Variants in CGNL1 observed in about 807,000 individuals in gnomAD.
The protein encoded by CGNL1 is cingulin like 1.
In CGNL1, 132 loss-of-function variants were observed where a neutral mutation model predicts 141.2. That is an observed-to-expected ratio of 0.93 (90% CI 0.81 to 1.08). The LOEUF is 1.08. Ranked by LOEUF, CGNL1 falls within the 50% of genes least tolerant of loss-of-function variation. The probability of loss-of-function intolerance (pLI) is 0.00; values close to 1 mark genes in which losing one functional copy is unlikely to be tolerated. For missense variants in CGNL1, 1,870 were observed against 1,588.6 expected, an observed-to-expected ratio of 1.18 and a Z score of -3.01; for synonymous variants, 690 against 622.1, an observed-to-expected ratio of 1.11 and a Z score of -1.63.
chr15:57,402,960 G>A lies in CGNL1; in HGVS notation c.-16+26393G>A, dbSNP rs541866392. 1.6e-4 allele frequency among the ~76,000 whole-genome samples: 24 copies of A among 152,256 alleles called. 1 individual carries two copies. In the South Asian group the frequency reaches 2.7e-3, roughly 17 times the overall value. ...TTGGAGATTCTAACTGCACATATGC[G>A]TAATTCCAAATGAAAATATAAGGGG... is the stretch of plus-strand genomic sequence containing the variant. On this transcript the variant is annotated intron_variant, in intron 1 of 18. Transcript: ENST00000281282.
At chr15:57,514,477 G>A (rs1043034198) in intron 8 of CGNL1, among the ~76,000 whole-genome samples, 22 of 152,170 alleles carry the variant, frequency 1.4e-4, no homozygotes, top group African/African-American at 5.1e-4. Context: ...TTGTTACTGA[G>A]TTAAAGAATC....
intron 8 of CGNL1, among the ~76,000 whole-genome samples, chr15:57,484,681 C>T (rs2063765361): frequency 6.6e-6 from 1 of 152,136 alleles, no homozygotes; most frequent in Admixed American, 6.6e-5. Context: ...GCCCCGCATG[C>T]ATTAGGTATT....
intron 8 of CGNL1, among the ~76,000 whole-genome samples, chr15:57,467,663 C>G (rs1217978313): frequency 1.4e-5 from 2 of 147,508 alleles, no homozygotes; most frequent in South Asian, 2.2e-4. Flanking sequence ...GATAATAGTG[C>G]TATTGTTTTT....
rs933085391 is a variant in CGNL1 at position 57,430,618 on chromosome 15, G to A, written c.-15-7367G>A. Among the ~76,000 whole-genome samples the A allele has an allele frequency of 3.3e-5, 5 of 152,262 alleles. 1 individual carries two copies. In the South Asian group the frequency reaches 6.2e-4, roughly 19 times the overall value. Reference sequence around the variant, plus strand: ...ACCCATCCACAGGGAAACGAGGCGGGTAGACTTCCAGGGGGAAGTGGGGGC... The same window carrying A: ...ACCCATCCACAGGGAAACGAGGCGGATAGACTTCCAGGGGGAAGTGGGGGC... On this transcript the variant is annotated intron_variant, in intron 1 of 18. Transcript: ENST00000281282.
intron 6 of CGNL1, 142 bp from the exon 7 acceptor site, chr15:57,453,541 C>T: frequency 9.9e-7 from 1 of 1,013,742 alleles, no homozygotes; most frequent in East Asian, 2.6e-5. Flanking sequence ...GTTGGTGATC[C>T]CTTGCTCAGT....
rs8027670 is a variant in CGNL1 at position 57,526,819 on chromosome 15, G to A, written c.3040-1835G>A. Among the ~76,000 whole-genome samples, 630 of 152,216 alleles carry A rather than the reference G, an allele frequency of 4.1e-3. 1 individual carries two copies. Among genetic ancestry groups the A allele is most frequent in the African/African-American group, 0.014 (595 of 41,532 alleles). ...TGGGGCCCTTACCGGGTGTTAGGAG[G>A]GACCTGCTGGGTGTGGAAGGTGGGG... On this transcript the variant is annotated intron_variant, in intron 12 of 18. Coordinates refer to ENST00000281282, the MANE Select transcript of CGNL1 (RefSeq NM_032866.5).
At position 57,438,393 on chromosome 15, in the gene CGNL1, C is replaced by G. The variant is rs375993774; in HGVS notation, c.394C>G (p.Arg132Gly). ...TGAGGGCAAGAATGGAGTTCTAGAT[C>G]GCAAAGACGGGTCTGTGAAGCCATC... is the stretch of plus-strand genomic sequence containing the variant. The part of the protein sequence containing the change: ...LHEGKNGVLD[R>G]KDGSVKPSHL... Residue 132 changes from arginine to glycine, a missense_variant, in exon 2 of 19, where the codon CGC (arginine) becomes GGC (glycine). By Grantham distance (125) the Arg-to-Gly change is moderately radical. Transcript: ENST00000281282. 542 of 1,614,034 alleles carry G rather than the reference C, an allele frequency of 3.4e-4. 1 individual carries two copies. Among genetic ancestry groups the G allele is most frequent in the Admixed American group, 4.3e-4 (26 of 60,006 alleles).
At chr15:57,516,115 C>A (rs7162015) in intron 8 of CGNL1, among the ~76,000 whole-genome samples, 23,352 of 144,358 alleles carry the variant, frequency 0.16, 2,240 homozygotes, top group East Asian at 0.46. Flanking sequence ...GCCGACATCG[C>A]GCCACTGCAC....
chr15:57,456,190 T>C (rs1467007998), intron 7 of CGNL1, among the ~76,000 whole-genome samples: 1 of 152,192 alleles, frequency 6.6e-6, no homozygotes, highest in African/African-American at 2.4e-5. Flanking sequence ...CTGGGGGAAT[T>C]TGATAACAGA....
At chr15:57,453,550 G>A in intron 6 of CGNL1, 133 bp from the exon 7 acceptor site, 1 of 1,166,794 alleles carries the variant, frequency 8.6e-7, no homozygotes. Context: ...CCCTTGCTCA[G>A]TGCAGAACAG....
At chr15:57,498,802 C>A (rs1334952354) in intron 8 of CGNL1, among the ~76,000 whole-genome samples, 9 of 151,888 alleles carry the variant, frequency 5.9e-5, no homozygotes, top group African/African-American at 2.2e-4. Context: ...CACGCAGAGG[C>A]CCTGGGGTGG....
chr15:57,404,566 C>T (rs1783068168), intron 1 of CGNL1, among the ~76,000 whole-genome samples: 3 of 152,110 alleles, frequency 2.0e-5, no homozygotes, highest in African/African-American at 2.4e-5. Context: ...GTAGTGGCTT[C>T]GTTTAGTTAT....
At chr15:57,512,801 G>A (rs753578680) in intron 8 of CGNL1, among the ~76,000 whole-genome samples, 10 of 152,104 alleles carry the variant, frequency 6.6e-5, no homozygotes, top group Non-Finnish European at 1.3e-4. Context: ...AGTGTTCTTT[G>A]CTTTACTGAA....
intron 13 of CGNL1, among the ~76,000 whole-genome samples, chr15:57,530,449 C>T (rs190409228): frequency 6.6e-6 from 1 of 152,328 alleles, no homozygotes. Flanking sequence ...GCTGTGACTA[C>T]GTCTTGCCTG....
chr15:57,441,782 TTTC>T (rs1233041121), intron 3 of CGNL1, among the ~76,000 whole-genome samples: 2 of 152,220 alleles, frequency 1.3e-5, no homozygotes, highest in African/African-American at 4.8e-5. Flanking sequence ...TTTAAATCTT[TTTC>T]TTCTAATTGC....
At chr15:57,508,273 G>C (rs1410777311) in intron 8 of CGNL1, among the ~76,000 whole-genome samples, 3 of 146,116 alleles carry the variant, frequency 2.1e-5, no homozygotes, top group African/African-American at 5.1e-5. Flanking sequence ...TGTTGGGAGA[G>C]ATTGGTGTTG....
intron 12 of CGNL1, among the ~76,000 whole-genome samples, chr15:57,525,216 G>T (rs1482333775): frequency 1.3e-5 from 2 of 152,180 alleles, no homozygotes; most frequent in Non-Finnish European, 2.9e-5. Context: ...GCGAGTAAAA[G>T]AAATCCTCAG....
intron 13 of CGNL1, among the ~76,000 whole-genome samples, chr15:57,530,277 T>A (rs1355059277): frequency 6.6e-6 from 1 of 152,240 alleles, no homozygotes; most frequent in East Asian, 1.9e-4. Context: ...TTTGGCCGAC[T>A]TAGGTCTAGA....
chr15:57,529,584 A>G (rs2031837130), intron 13 of CGNL1, among the ~76,000 whole-genome samples: 1 of 150,560 alleles, frequency 6.6e-6, no homozygotes, highest in Non-Finnish European at 1.5e-5. Context: ...ACACACACAC[A>G]CACACACACA....
Sources: gnomAD v4.1 joint callset for allele counts (sites outside exome capture counted in the v4.1 genomes callset) on GRCh38, gnomAD v4.1.1 for gene constraint, MANE v1.5 for transcripts, NCBI Gene and HGNC (gene_info 2026-07-23, HGNC 2026-07-21) for gene names.